Variants in SLA observed in about 807,000 individuals in gnomAD.
The protein encoded by SLA is Src like adaptor.
In SLA, 16 loss-of-function variants were observed where a neutral mutation model predicts 30.3. The ratio of observed to expected loss-of-function variants is 0.53; its 90% CI spans 0.36 to 0.80. The LOEUF (loss-of-function observed/expected upper bound fraction) is 0.80. SLA is among the 30% of genes least tolerant of loss of function. SLA has a pLI of 0.01. For synonymous variants in SLA, 143 were observed against 137.8 expected (o/e 1.04, Z -0.26); for missense variants, 310 against 345.2 (o/e 0.90, Z 0.81).
At chr8:133,039,951 ATG>A (rs1564102529) in intron 8 of SLA, 45 bp downstream of exon 8, 4 of 1,480,094 alleles carry the variant, frequency 2.7e-6, no homozygotes, top group East Asian at 2.6e-5. Context: ...GAGCACTTGC[ATG>A]CACACACACA....
At chr8:133,097,685 T>C (rs1340624271) in intron 1 of SLA, among the ~76,000 whole-genome samples, 1 of 152,230 alleles carries the variant, frequency 6.6e-6, no homozygotes, top group Non-Finnish European at 1.5e-5. Flanking sequence ...GTAAAAAGAT[T>C]CACAACATGC....
At chr8:133,053,046 C>A (rs1840712787) in intron 3 of SLA, among the ~76,000 whole-genome samples, 1 of 152,228 alleles carries the variant, frequency 6.6e-6, no homozygotes, top group South Asian at 2.1e-4. Context: ...CTTTCTCCAA[C>A]TTGCCAGGCA....
intron 1 of SLA, chr8:133,089,850 T>C (rs1366135596): frequency 6.6e-6 from 1 of 152,168 alleles, no homozygotes; most frequent in Non-Finnish European, 1.5e-5. Context: ...ACCCACCCTG[T>C]TCCTCCCATT....
intron 6 of SLA, 83 bp from the exon 7 acceptor site, chr8:133,045,198 G>A (rs1839094056): frequency 6.7e-7 from 1 of 1,495,140 alleles, no homozygotes; most frequent in South Asian, 1.2e-5. Context: ...CACCACTGAG[G>A]CAGGGAGACC....
At chr8:133,096,062 C>T (rs2131642082) in intron 1 of SLA, 2 of 962,670 alleles carry the variant, frequency 2.1e-6, no homozygotes, top group Non-Finnish European at 3.3e-6. Flanking sequence ...TGGTGTCCTG[C>T]CTGCCAGTTG....
At chr8:133,070,836 G>A (rs1843897057) in intron 2 of SLA, among the ~76,000 whole-genome samples, 1 of 152,238 alleles carries the variant, frequency 6.6e-6, no homozygotes, top group South Asian at 2.1e-4. Flanking sequence ...CCTGACCGTG[G>A]TGAAGTTGTC....
At chr8:133,059,212 C>A (rs1166083871) in intron 3 of SLA, 1 of 448,128 alleles carries the variant, frequency 2.2e-6, no homozygotes, top group Non-Finnish European at 4.5e-6. Flanking sequence ...AATGGGACAC[C>A]AGGCCCCAAA....
At chr8:133,092,585 A>C (rs1847736529) in intron 1 of SLA, among the ~76,000 whole-genome samples, 1 of 152,164 alleles carries the variant, frequency 6.6e-6, no homozygotes, top group Non-Finnish European at 1.5e-5. Context: ...ACCTGGCCTC[A>C]TGCATCTTTG....
Position 133,038,601 on chromosome 8 carries a change from T to C in SLA, c.754A>G (p.Lys252Glu), listed in dbSNP as rs1373384237. 1 of 1,614,154 alleles carries C rather than the reference T, an allele frequency of 6.2e-7. No homozygotes were observed. Among genetic ancestry groups the C allele is most frequent in the Non-Finnish European group, 8.5e-7 (1 of 1,179,982 alleles). ...CCACCATACATCAGGGAGATGCTTT[T>C]CTTCTTTCGATCAAAGGAGGTGTTG... The part of the protein sequence containing the change: ...EDNTSFDRKK[K>E]SISLMYGGSK... Residue 252 changes from lysine to glutamate, a missense_variant, in exon 9 of 9, where the codon AAA becomes GAA. Transcript: ENST00000338087.
At chr8:133,078,104 A>G (rs1845182061) in intron 1 of SLA, among the ~76,000 whole-genome samples, 1 of 152,152 alleles carries the variant, frequency 6.6e-6, no homozygotes, top group African/African-American at 2.4e-5. Context: ...GTACACATCT[A>G]AGAAGCTGCT....
chr8:133,045,387 C>CTTTTTTTTTTTTT (rs5895172), intron 6 of SLA, among the ~76,000 whole-genome samples: 3 of 65,868 alleles, frequency 4.6e-5, no homozygotes, highest in Admixed American at 2.2e-4. Flanking sequence ...ATCCTCTTTG[C>CTTTTTTTTTTTTT]TTTTTTTTTT....
intron 1 of SLA, among the ~76,000 whole-genome samples, chr8:133,091,151 ATGTT>A (rs763263851): frequency 1.8e-4 from 27 of 152,202 alleles, no homozygotes; most frequent in Non-Finnish European, 3.5e-4. Context: ...TGCTACTTGA[ATGTT>A]TGTCCTCGTC....
rs949172517 is a variant in SLA, at chr8:133,044,518, T to C, written c.484+466A>G. Reference sequence around the variant, plus strand: ...GATCGGAATGCTGGGAAAGAAACCCTTGGCATGCTCTGAGCACAGCGAAGA... The same window carrying C: ...GATCGGAATGCTGGGAAAGAAACCCCTGGCATGCTCTGAGCACAGCGAAGA... On this transcript the variant is annotated intron_variant, in intron 7 of 8. Transcript: ENST00000338087. 6.6e-4 allele frequency among the ~76,000 whole-genome samples: 101 copies of C among 152,162 alleles called. 1 individual carries two copies. Among genetic ancestry groups the C allele is most frequent in the Non-Finnish European group, 3.7e-4 (25 of 68,036 alleles).
chr8:133,086,767 T>A (rs370861811), intron 1 of SLA, among the ~76,000 whole-genome samples: 1 of 152,184 alleles, frequency 6.6e-6, no homozygotes. Flanking sequence ...ACAACAATCC[T>A]ATGGGGAAGC....
intron 1 of SLA, 26 bp downstream of exon 1, chr8:133,102,527 C>T (rs4478553): frequency 0.27 from 418,669 of 1,549,224 alleles, 57,658 homozygotes; most frequent in African/African-American, 0.34. Context: ...CAGGGGGTCC[C>T]AATGACAGCA....
At chr8:133,062,300 A>C (rs1842476204) in intron 2 of SLA, among the ~76,000 whole-genome samples, 1 of 152,228 alleles carries the variant, frequency 6.6e-6, no homozygotes, top group Admixed American at 6.5e-5. Flanking sequence ...GCAGGTTCTA[A>C]CAGCAACACC....
rs1564119242 is a variant in SLA at position 133,050,854 on chromosome 8, CG to C, written c.122del (p.Pro41ArgfsTer11). On this transcript the variant is annotated frameshift_variant, in exon 4 of 9. Transcript: ENST00000338087. LOFTEE classifies it high-confidence loss of function. ...SDYPSPDISP[P>X]IFRRGEKLRV... ...GCAGTTTCTCCCCTCGGCGGAATAT[CG>C]GGGGGCTGATGTCAGGAGACGGGTA... 6.2e-7 allele frequency: 1 copy of C among 1,613,700 alleles called. No homozygotes were observed. The highest frequency in any genetic ancestry group is 8.5e-7 in the Non-Finnish European group (1 of 1,179,658).
chr8:133,080,282 A>G (rs1175497358), intron 1 of SLA, among the ~76,000 whole-genome samples: 1 of 152,200 alleles, frequency 6.6e-6, no homozygotes, highest in Non-Finnish European at 1.5e-5. Context: ...GCCTTTGCGT[A>G]TGTTACGTAT....
intron 2 of SLA, among the ~76,000 whole-genome samples, chr8:133,061,103 C>T (rs549973370): frequency 6.6e-6 from 1 of 152,302 alleles, no homozygotes; most frequent in African/African-American, 2.4e-5. Context: ...CCCTGCCTCC[C>T]GGGTTCAAGC....
Sources: gnomAD v4.1 joint callset for allele counts (sites outside exome capture counted in the v4.1 genomes callset) on GRCh38, gnomAD v4.1.1 for gene constraint, MANE v1.5 for transcripts, NCBI Gene and HGNC (gene_info 2026-07-23, HGNC 2026-07-21) for gene names.